ARHGEF38: variants seen among roughly 807,000 people sequenced by gnomAD.
ARHGEF38 encodes the protein Rho guanine nucleotide exchange factor 38.
Under a neutral mutation model 79.9 loss-of-function variants are expected in ARHGEF38, and 79 were observed. The observed-to-expected ratio is 0.99, with a 90% CI of 0.82 to 1.19. The LOEUF is 1.19. ARHGEF38 is among the 50% of genes most tolerant of loss of function. The probability of loss-of-function intolerance (pLI) is 0.00; values close to 1 mark genes in which losing one functional copy is unlikely to be tolerated. For missense variants in ARHGEF38, 962 were observed against 907.2 expected (o/e 1.06, Z -0.78); for synonymous variants, 366 against 328.3 (o/e 1.11, Z -1.24).
intron 1 of ARHGEF38, among the ~76,000 whole-genome samples, chr4:105,564,183 A>G: frequency 6.6e-6 from 1 of 152,338 alleles, no homozygotes; most frequent in Middle Eastern, 3.4e-3. Flanking sequence ...TATTGTGCAA[A>G]GAAAAAAATA....
At chr4:105,634,825 G>A (rs1489570199) in intron 4 of ARHGEF38, among the ~76,000 whole-genome samples, 1 of 152,120 alleles carries the variant, frequency 6.6e-6, no homozygotes, top group Non-Finnish European at 1.5e-5. Flanking sequence ...TCCCCAGGAG[G>A]AAAACTTCTA....
At chr4:105,570,303 T>A (rs970274794) in intron 1 of ARHGEF38, 5 of 152,202 alleles carry the variant, frequency 3.3e-5, no homozygotes, top group Admixed American at 1.3e-4. Context: ...TACATTATAA[T>A]CAAATATAAT....
At chr4:105,560,369 C>T (rs1384116022) in intron 1 of ARHGEF38, among the ~76,000 whole-genome samples, 2 of 152,166 alleles carry the variant, frequency 1.3e-5, no homozygotes, top group East Asian at 3.9e-4. Context: ...TAATTTTATG[C>T]CTGTTGTCAT....
chr4:105,626,312 T>C (rs1489174819), intron 3 of ARHGEF38, among the ~76,000 whole-genome samples: 2 of 152,186 alleles, frequency 1.3e-5, no homozygotes, highest in Non-Finnish European at 1.5e-5. Context: ...TCCATTTTTT[T>C]CCTTTCCTCT....
intron 1 of ARHGEF38, among the ~76,000 whole-genome samples, chr4:105,565,710 T>C (rs1287697171): frequency 2.0e-5 from 3 of 152,194 alleles, no homozygotes; most frequent in Non-Finnish European, 4.4e-5. Flanking sequence ...TTAGCTTCCT[T>C]TTTTTATATA....
chr4:105,606,832 A>G (rs956009658), intron 2 of ARHGEF38, among the ~76,000 whole-genome samples: 2 of 152,156 alleles, frequency 1.3e-5, no homozygotes, highest in Non-Finnish European at 2.9e-5. Context: ...AAAATAATCT[A>G]GAAAAACATA....
rs543690869 is a variant in ARHGEF38 at position 105,596,717 on chromosome 4, C to T, written c.384+7282C>T. ...AGAGTGAGCCCATTGCCGTCCTATA[C>T]AACAGGAACTGCAGCTTCAGCACGT... On this transcript the variant is annotated intron_variant, in intron 2 of 13. Coordinates refer to ENST00000420470, the MANE Select transcript of ARHGEF38 (RefSeq NM_001242729.2). Among the ~76,000 whole-genome samples, 31 of 152,312 alleles carry T rather than the reference C, an allele frequency of 2.0e-4. No individual in the cohort carries two copies. The South Asian group carries it at 5.6e-3, about 27-fold the overall frequency.
At chr4:105,670,208 CTG>C (rs1377055804) in intron 13 of ARHGEF38, among the ~76,000 whole-genome samples, 7 of 152,192 alleles carry the variant, frequency 4.6e-5, no homozygotes, top group African/African-American at 1.4e-4. Flanking sequence ...AACTGCCAAA[CTG>C]TAATCCAAAG....
chr4:105,643,052 T>G (rs534874382), intron 5 of ARHGEF38, among the ~76,000 whole-genome samples: 75 of 152,064 alleles, frequency 4.9e-4, no homozygotes, highest in Non-Finnish European at 9.3e-4. Flanking sequence ...GCTTACAATA[T>G]ATAAGAAAAT....
intron 10 of ARHGEF38, among the ~76,000 whole-genome samples, chr4:105,664,301 C>T (rs1178665645): frequency 6.6e-6 from 1 of 152,198 alleles, no homozygotes; most frequent in Non-Finnish European, 1.5e-5. Flanking sequence ...AAACATTTGT[C>T]CTTCGCTCCC....
intron 1 of ARHGEF38, among the ~76,000 whole-genome samples, chr4:105,577,221 A>G (rs1309781263): frequency 1.3e-5 from 2 of 148,948 alleles, no homozygotes; most frequent in Non-Finnish European, 3.0e-5. Flanking sequence ...ATTTAGCATT[A>G]GGTATATCTC....
intron 3 of ARHGEF38, among the ~76,000 whole-genome samples, chr4:105,629,628 T>C (rs1729097970): frequency 7.6e-6 from 1 of 132,004 alleles, no homozygotes; most frequent in South Asian, 2.2e-4. Flanking sequence ...CTGTCACATA[T>C]TGCTTGGATA....
chr4:105,679,804 T>C lies in ARHGEF38; in HGVS notation c.*1867T>C, dbSNP rs753130308. 5 of 1,144,380 alleles carry C rather than the reference T, an allele frequency of 4.4e-6. No homozygotes were observed. The highest frequency in any genetic ancestry group is 5.3e-6 in the Non-Finnish European group (4 of 758,662). 70.9% of individuals were successfully genotyped at this position (1,144,380 alleles called of 1,614,324 possible). On this transcript the variant is annotated 3_prime_UTR_variant, in exon 14 of 14. Transcript: ENST00000420470. The stretch of plus-strand genomic sequence containing the variant: ...CTGTCTGTCCAGCTTTACCCACGCA[T>C]CCAGAGAGATGGATATAGGACTCAA...
At chr4:105,648,321 T>C (rs568121786) in intron 6 of ARHGEF38, among the ~76,000 whole-genome samples, 1 of 152,222 alleles carries the variant, frequency 6.6e-6, no homozygotes, top group Non-Finnish European at 1.5e-5. Flanking sequence ...TAAATCAAAC[T>C]TAATCCTTGA....
intron 7 of ARHGEF38, among the ~76,000 whole-genome samples, chr4:105,651,771 C>T (rs1315264544): frequency 6.6e-6 from 1 of 152,154 alleles, no homozygotes; most frequent in Non-Finnish European, 1.5e-5. Context: ...CCTTTCACCT[C>T]AGCCTCTCAA....
intron 9 of ARHGEF38, 90 bp from the exon 10 acceptor site, chr4:105,658,964 T>C: frequency 1.7e-6 from 2 of 1,145,372 alleles, no homozygotes; most frequent in South Asian, 1.6e-5. Context: ...GTGCTTCTCG[T>C]GGGGGAAAAG....
chr4:105,603,207 T>A (rs930493580), intron 2 of ARHGEF38, among the ~76,000 whole-genome samples: 2 of 152,156 alleles, frequency 1.3e-5, no homozygotes, highest in African/African-American at 4.8e-5. Flanking sequence ...AAACAACTTG[T>A]TTATATTAGT....
chr4:105,606,265 C>T (rs1429342342), intron 2 of ARHGEF38, among the ~76,000 whole-genome samples: 3 of 152,100 alleles, frequency 2.0e-5, no homozygotes, highest in Admixed American at 6.6e-5. Context: ...TTTCTAGAAA[C>T]AATTTCCAGA....
At chr4:105,619,909 C>T (rs974006285) in intron 3 of ARHGEF38, among the ~76,000 whole-genome samples, 1 of 152,170 alleles carries the variant, frequency 6.6e-6, no homozygotes, top group African/African-American at 2.4e-5. Flanking sequence ...ATGAAAAGCA[C>T]AGGTGTCCCA....
Sources: allele counts gnomAD v4.1 joint callset (sites outside exome capture counted in the v4.1 genomes callset), GRCh38; gene constraint gnomAD v4.1.1; transcripts MANE v1.5; gene names NCBI Gene and HGNC (gene_info 2026-07-23, HGNC 2026-07-21).